AATF: variants seen among roughly 807,000 people sequenced by gnomAD.
The protein encoded by AATF is apoptosis antagonizing transcription factor, also known as protein AATF.
AATF carries 48 observed loss-of-function variants against 63.7 expected under a neutral mutation model. That is an observed-to-expected ratio of 0.75 (90% confidence interval 0.60 to 0.96). The LOEUF is 0.96. Among genes scored for constraint, AATF ranks in the 40% least tolerant of loss-of-function variants. The probability of loss-of-function intolerance (pLI) is 0.00; values close to 1 mark genes in which losing one functional copy is unlikely to be tolerated. For synonymous variants in AATF, 258 were observed against 247.7 expected (o/e 1.04, Z -0.39); for missense variants, 639 against 685.7 (o/e 0.93, Z 0.76).
rs2071009164 is a variant in AATF at position 36,968,266 on chromosome 17, C to CTTTTTTTTTTTTTTTTTTT, written c.832+14362_832+14363insTTTTTTTTTTTTTTTTTTT. 7.9e-5 allele frequency among the ~76,000 whole-genome samples: 6 copies of CTTTTTTTTTTTTTTTTTTT among 75,572 alleles called. 2 individuals are homozygous for CTTTTTTTTTTTTTTTTTTT. Among genetic ancestry groups the CTTTTTTTTTTTTTTTTTTT allele is most frequent in the African/African-American group, 3.2e-4 (6 of 18,466 alleles). 49.6% of individuals were successfully genotyped at this position (75,572 alleles called of 152,430 possible). A position where few individuals can be genotyped will look rare whatever the true frequency, so the allele number is the denominator to read the frequency against. ...CTTTTTTCTTTTTCTTTCTTTCCTT[C>CTTTTTTTTTTTTTTTTTTT]TTTCTTTTTTTTTTTTTTTTTTTTT... On this transcript the variant is annotated intron_variant, in intron 4 of 11. Transcript: ENST00000619387.
chr17:37,021,689 C>T lies in AATF; in HGVS notation c.1547+675C>T, dbSNP rs1374028498. 7.3e-5 allele frequency among the ~76,000 whole-genome samples: 6 copies of T among 82,708 alleles called. No homozygotes were observed. In the East Asian group the frequency reaches 1.6e-3, roughly 22 times the overall value. 54.3% of individuals were successfully genotyped at this position (82,708 alleles called of 152,430 possible). On this transcript the variant is annotated intron_variant, in intron 10 of 11. Coordinates refer to ENST00000619387, the MANE Select transcript of AATF (RefSeq NM_012138.4). ...GCGTAGTGGCGGGCGCCTGTAGTCC[C>T]AGCTACTCGGGAGGCTGAGGCAGGA...
At chr17:37,002,218 A>T (rs1274104921) in intron 8 of AATF, among the ~76,000 whole-genome samples, 4 of 151,744 alleles carry the variant, frequency 2.6e-5, no homozygotes, top group Non-Finnish European at 5.9e-5. Flanking sequence ...AAAAAAAAAA[A>T]AAATACTAAA....
intron 8 of AATF, among the ~76,000 whole-genome samples, chr17:37,016,387 A>T (rs930865031): frequency 1.3e-5 from 2 of 152,160 alleles, no homozygotes; most frequent in African/African-American, 4.8e-5. Flanking sequence ...GTATATTGGT[A>T]TGGGTTAAAT....
At chr17:36,959,367 C>G (rs2070927997) in intron 4 of AATF, among the ~76,000 whole-genome samples, 1 of 152,134 alleles carries the variant, frequency 6.6e-6, no homozygotes, top group Non-Finnish European at 1.5e-5. Flanking sequence ...TGCTTGAACC[C>G]AGGAGGCAGA....
At chr17:37,012,083 G>T (rs1476159001) in intron 8 of AATF, among the ~76,000 whole-genome samples, 2 of 150,500 alleles carry the variant, frequency 1.3e-5, no homozygotes, top group Admixed American at 6.6e-5. Flanking sequence ...TTAAGTTGAG[G>T]TCTCTGTTGC....
At chr17:37,017,571 A>G (rs1171374902) in intron 8 of AATF, among the ~76,000 whole-genome samples, 1 of 152,212 alleles carries the variant, frequency 6.6e-6, no homozygotes, top group African/African-American at 2.4e-5. Context: ...TGCCAGAAAG[A>G]TGTTGGGAAT....
chr17:36,986,422 A>T (rs930844460), intron 4 of AATF, among the ~76,000 whole-genome samples, 195 bp from the exon 5 acceptor site: 16 of 152,140 alleles, frequency 1.1e-4, no homozygotes, highest in African/African-American at 3.6e-4. Context: ...GTTCCTCACA[A>T]CAATCCTGTG....
At chr17:36,975,534 G>A (rs1263100705) in intron 4 of AATF, among the ~76,000 whole-genome samples, 1 of 152,150 alleles carries the variant, frequency 6.6e-6, no homozygotes, top group East Asian at 1.9e-4. Flanking sequence ...TGCACAAAAA[G>A]TTACCTGGCT....
At chr17:37,023,388 T>G (rs2071487306) in intron 10 of AATF, among the ~76,000 whole-genome samples, 1 of 152,188 alleles carries the variant, frequency 6.6e-6, no homozygotes, top group African/African-American at 2.4e-5. Flanking sequence ...ATTAAACTGT[T>G]CATTACAGGT....
At chr17:36,949,289 AG>A (rs2070833516) in intron 1 of AATF, 73 bp downstream of exon 1, 5 of 1,427,546 alleles carry the variant, frequency 3.5e-6, no homozygotes, top group African/African-American at 1.5e-5. Flanking sequence ...GCGGCGTGGG[AG>A]GGGCGTGCGC....
At chr17:36,999,227 G>C (rs1369823130) in intron 8 of AATF, 3 of 152,098 alleles carry the variant, frequency 2.0e-5, no homozygotes, top group Non-Finnish European at 4.4e-5. Context: ...TACTTTTGTG[G>C]ATGTTTGAAA....
At chr17:37,040,404 C>T (rs2071627574) in intron 11 of AATF, among the ~76,000 whole-genome samples, 1 of 152,002 alleles carries the variant, frequency 6.6e-6, no homozygotes, top group African/African-American at 2.4e-5. Flanking sequence ...ATTTCACTTA[C>T]TGAGAGTTTA....
At chr17:36,982,189 TCTGA>T (rs145382823) in intron 4 of AATF, among the ~76,000 whole-genome samples, 11 of 152,052 alleles carry the variant, frequency 7.2e-5, no homozygotes, top group East Asian at 1.9e-4. Context: ...CCTTTTTAAG[TCTGA>T]CTAATACTCC....
intron 10 of AATF, among the ~76,000 whole-genome samples, chr17:37,025,778 G>A (rs147715666): frequency 1.3e-5 from 2 of 152,280 alleles, no homozygotes; most frequent in African/African-American, 4.8e-5. Flanking sequence ...AAGGGAATGA[G>A]AGAAATAGAA....
chr17:37,033,361 A>C (rs186733044), intron 11 of AATF, among the ~76,000 whole-genome samples: 39 of 152,366 alleles, frequency 2.6e-4, no homozygotes, highest in African/African-American at 7.7e-4. Flanking sequence ...TTGAAAATTA[A>C]ACCAAACCCT....
At chr17:37,042,610 G>T (rs2071650634) in intron 11 of AATF, among the ~76,000 whole-genome samples, 1 of 149,378 alleles carries the variant, frequency 6.7e-6, no homozygotes, top group South Asian at 2.1e-4. Flanking sequence ...TAGAGACGGG[G>T]TCTTGCTGTG....
intron 8 of AATF, among the ~76,000 whole-genome samples, chr17:37,007,430 C>T (rs1486892185): frequency 1.4e-5 from 2 of 139,202 alleles, no homozygotes; most frequent in African/African-American, 5.5e-5. Flanking sequence ...TCTCAAACTA[C>T]TGGCCTCAGG....
Position 37,056,416 on chromosome 17 carries a change from T to C in AATF, c.1620-185T>C, listed in dbSNP as rs2071798327. The C allele has an allele frequency of 4.9e-6, 3 of 608,060 alleles. No homozygotes were observed. The African/African-American group carries it at 5.6e-5, about 11-fold the overall frequency. The allele number at this position is 608,060 out of a possible 1,614,324, so 37.7% of individuals were successfully genotyped here. A position where few individuals can be genotyped will look rare whatever the true frequency, so the allele number is the denominator to read the frequency against. On this transcript the variant is annotated intron_variant, in intron 11 of 11. Transcript: ENST00000619387. ...GCCGCACTGGACCATTTACATATTT[T>C]ACTGTTTGATTGGGTTTCTTCCTTC... is the stretch of plus-strand genomic sequence containing the variant.
At chr17:37,011,204 C>G (rs1262347501) in intron 8 of AATF, among the ~76,000 whole-genome samples, 1 of 152,108 alleles carries the variant, frequency 6.6e-6, no homozygotes, top group African/African-American at 2.4e-5. Context: ...AACCCCGTCT[C>G]AACTAAAAAT....
Sources: allele counts gnomAD v4.1 joint callset (sites outside exome capture counted in the v4.1 genomes callset), GRCh38; gene constraint gnomAD v4.1.1; transcripts MANE v1.5; gene names NCBI Gene and HGNC (gene_info 2026-07-23, HGNC 2026-07-21).